Variants in PASD1 observed in about 807,000 individuals in gnomAD.
PASD1 encodes the protein circadian clock protein PASD1.
PASD1 carries 13 observed loss-of-function variants against 58.8 expected under a neutral mutation model. The ratio of observed to expected loss-of-function variants is 0.22; its 90% confidence interval spans 0.14 to 0.35. PASD1 has a LOEUF of 0.35. Among genes scored for constraint, PASD1 ranks in the 10% least tolerant of loss-of-function variants. PASD1 has a pLI of 1.00. For missense variants in PASD1, 734 were observed against 568.3 expected (o/e 1.29, Z -2.96); for synonymous variants, 236 against 216.7 (o/e 1.09, Z -0.78).
intron 11 of PASD1, among the ~76,000 whole-genome samples, chrX:151,665,547 C>T (rs1211708651): frequency 3.6e-5 from 4 of 110,819 alleles, no homozygotes; most frequent in Non-Finnish European, 5.7e-5. Context: ...AATCAGTTGC[C>T]GAAGACACTG....
chrX:151,663,997 A>G, intron 10 of PASD1, 122 bp from the exon 11 acceptor site: 1 of 1,022,904 alleles, frequency 9.8e-7, no homozygotes, highest in Non-Finnish European at 1.3e-6. Flanking sequence ...ATTCTGAATG[A>G]TTCCTGGCAC....
intron 11 of PASD1, among the ~76,000 whole-genome samples, chrX:151,666,826 A>C (rs1228576147): frequency 9.4e-6 from 1 of 106,093 alleles, no homozygotes; most frequent in Non-Finnish European, 1.9e-5. Flanking sequence ...GCTATTGTGA[A>C]TAGTGCCACA....
At chrX:151,564,346 T>A (rs1286513120) in intron 1 of PASD1, among the ~76,000 whole-genome samples, 1 of 111,565 alleles carries the variant, frequency 9.0e-6, no homozygotes, top group East Asian at 2.8e-4. Flanking sequence ...ATTGAGCAGT[T>A]TGTACACGTG....
intron 9 of PASD1, among the ~76,000 whole-genome samples, chrX:151,653,197 T>TA (rs201762661): frequency 2.3e-3 from 161 of 70,285 alleles, no homozygotes; most frequent in South Asian, 4.3e-3. Flanking sequence ...TATATATATA[T>TA]TTTTTTTTTT....
At chrX:151,673,888 T>C in intron 14 of PASD1, 40 bp from the exon 15 acceptor site, 1 of 1,205,209 alleles carries the variant, frequency 8.3e-7, no homozygotes. Context: ...AGTTATCATG[T>C]CCAGATCCAC....
intron 1 of PASD1, among the ~76,000 whole-genome samples, chrX:151,572,799 A>G (rs907319850): frequency 9.3e-6 from 1 of 108,053 alleles, no homozygotes; most frequent in Non-Finnish European, 1.9e-5. Flanking sequence ...CTATCTCCAT[A>G]TTAAGTCATC....
At chrX:151,674,815 T>G (rs886654063) in intron 15 of PASD1, among the ~76,000 whole-genome samples, 5 of 112,211 alleles carry the variant, frequency 4.5e-5, no homozygotes, top group Admixed American at 9.4e-5. Flanking sequence ...AAAAATCTTA[T>G]TATAGCCTAA....
intron 9 of PASD1, among the ~76,000 whole-genome samples, chrX:151,651,512 C>G (rs887508041): frequency 1.8e-5 from 2 of 111,906 alleles, no homozygotes; most frequent in Admixed American, 9.5e-5. Flanking sequence ...AACACAGAAA[C>G]AGTCGGCTAG....
intron 1 of PASD1, among the ~76,000 whole-genome samples, chrX:151,566,660 A>C (rs894004957): frequency 2.7e-5 from 3 of 112,172 alleles, no homozygotes; most frequent in Admixed American, 1.9e-4. Flanking sequence ...CAGATTTTGG[A>C]ATACATGTAA....
intron 6 of PASD1, among the ~76,000 whole-genome samples, chrX:151,622,621 C>A (rs866558355): frequency 2.0e-4 from 13 of 65,194 alleles, no homozygotes; most frequent in Non-Finnish European, 2.8e-4. Flanking sequence ...ACACACACTC[C>A]CACACACTCT....
At chrX:151,631,617 A>G (rs2013868003) in intron 8 of PASD1, among the ~76,000 whole-genome samples, 1 of 111,453 alleles carries the variant, frequency 9.0e-6, no homozygotes, top group African/African-American at 3.3e-5. Context: ...CTGTGCTTGC[A>G]AAGTCCTCAG....
At position 151,634,322 on chromosome X, in the gene PASD1, C is replaced by T. The variant is rs909756412; in HGVS notation, c.629+8792C>T. ...TTGTGTGTGTGTAATTTATTATAAACTGTGGAGATACACCTCTATTTCTCA... is the reference window on the plus strand; with the variant it reads ...TTGTGTGTGTGTAATTTATTATAAATTGTGGAGATACACCTCTATTTCTCA... On this transcript the variant is annotated intron_variant, in intron 8 of 15. Transcript: ENST00000370357. Among the ~76,000 whole-genome samples, 3 of 110,593 alleles carry T rather than the reference C, an allele frequency of 2.7e-5. No homozygotes were observed. In the South Asian group the frequency reaches 1.2e-3, roughly 43 times the overall value.
At chrX:151,637,480 G>A (rs186999141) in intron 8 of PASD1, among the ~76,000 whole-genome samples, 214 of 111,361 alleles carry the variant, frequency 1.9e-3, no homozygotes, top group Non-Finnish European at 3.0e-3. Context: ...GGGCTCAAGT[G>A]ATTCTCCTGC....
intron 9 of PASD1, among the ~76,000 whole-genome samples, chrX:151,655,454 G>A (rs1351389709): frequency 2.7e-5 from 3 of 112,065 alleles, no homozygotes; most frequent in Non-Finnish European, 3.8e-5. Context: ...GGTTGAACTA[G>A]TTTACAGTCC....
rs771389872 is a variant in PASD1, at chrX:151,664,102, T to C, written c.842-17T>C. 2.5e-6 allele frequency: 3 copies of C among 1,211,811 alleles called. No homozygotes were observed. Among genetic ancestry groups the C allele is most frequent in the Non-Finnish European group, 3.4e-6 (3 of 895,310 alleles). On this transcript the variant is annotated splice_polypyrimidine_tract_variant and intron_variant, in intron 10 of 15. Transcript: ENST00000370357. ...TTGCTTTTTAAGTCATGAACTCCCC[T>C]GTGCTTTCTTCCTCAGCCTTATCCT... is the stretch of plus-strand genomic sequence containing the variant.
chrX:151,622,847 T>C, intron 6 of PASD1, 90 bp from the exon 7 acceptor site: 1 of 982,446 alleles, frequency 1.0e-6, no homozygotes, highest in Non-Finnish European at 1.4e-6. Flanking sequence ...GTCAATGGGT[T>C]AGCAAACAGC....
chrX:151,672,214 A>AGGAGCAGCAGCGGCAGCTGCG lies in PASD1; in HGVS notation c.1478_1498dup (p.Gln493_Gln499dup), dbSNP rs764610027. ...CTGGTGCAGCAAGAACAACACCTGA[A>AGGAGCAGCAGCGGCAGCTGCG]GGAGCAGCAGCGGCAGCTGCGGGAG... On this transcript the variant is annotated inframe_insertion, in exon 14 of 16. Coordinates refer to ENST00000370357, the MANE Select transcript of PASD1 (RefSeq NM_173493.3). The AGGAGCAGCAGCGGCAGCTGCG allele has an allele frequency of 1.8e-4, 212 of 1,158,912 alleles. No individual in the cohort carries two copies. The highest frequency in any genetic ancestry group is 6.7e-4 in the South Asian group (34 of 50,887).
chrX:151,621,656 C>G (rs1238118404), intron 6 of PASD1, 64 bp downstream of exon 6: 3 of 754,706 alleles, frequency 4.0e-6, no homozygotes, highest in African/African-American at 4.3e-5. Flanking sequence ...ACATTACTAA[C>G]ATAAATGCTC....
chrX:151,645,597 A>G (rs1602952089), intron 8 of PASD1: 2 of 112,121 alleles, frequency 1.8e-5, no homozygotes, highest in South Asian at 7.5e-4. Flanking sequence ...AATGAGACAG[A>G]GGTACTTTTC....
Sources: gnomAD v4.1 joint callset for allele counts (sites outside exome capture counted in the v4.1 genomes callset) on GRCh38, gnomAD v4.1.1 for gene constraint, MANE v1.5 for transcripts, NCBI Gene and HGNC (gene_info 2026-07-23, HGNC 2026-07-21) for gene names.